The following NSD1 variants were observed in gnomAD, a reference collection of about 807,000 sequenced individuals.
NSD1 encodes nuclear receptor binding SET domain protein 1, also known as histone-lysine N-methyltransferase, H3 lysine-36 specific.
Under a neutral mutation model 242.7 loss-of-function variants are expected in NSD1, and 26 were observed. That is an observed-to-expected ratio of 0.11 (90% CI 0.08 to 0.15). The LOEUF is 0.15. NSD1 is among the 10% of genes least tolerant of loss of function. The pLI is 1.00. For synonymous variants in NSD1, 1,106 were observed against 1,178.1 expected (o/e 0.94, Z 1.25); for missense variants, 2,495 against 3,272.8 (o/e 0.76, Z 5.80).
chr5:177,148,285 T>G (rs1399184441), intron 2 of NSD1, among the ~76,000 whole-genome samples: 1 of 151,868 alleles, frequency 6.6e-6, no homozygotes, highest in Admixed American at 6.6e-5. Flanking sequence ...ACCCAGCTCA[T>G]TTTTGTATTT....
chr5:177,265,737 C>G, intron 14 of NSD1: 1 of 1,567,128 alleles, frequency 6.4e-7, no homozygotes, highest in East Asian at 2.2e-5. Context: ...ATGTAGAACA[C>G]CGTCTGCTTC....
At chr5:177,262,604 C>T (rs1374633044) in intron 14 of NSD1, among the ~76,000 whole-genome samples, 1 of 152,210 alleles carries the variant, frequency 6.6e-6, no homozygotes, top group Non-Finnish European at 1.5e-5. Flanking sequence ...CAAGGCTGGG[C>T]GCCATGGCTC....
chr5:177,266,173 A>G (rs1229221767), intron 14 of NSD1: 3 of 1,065,460 alleles, frequency 2.8e-6, no homozygotes, highest in East Asian at 4.8e-5. Flanking sequence ...AGTGTTGAGC[A>G]TGGACTCGTA....
chr5:177,184,220 A>G (rs992438874), intron 2 of NSD1, among the ~76,000 whole-genome samples: 1 of 152,076 alleles, frequency 6.6e-6, no homozygotes, highest in African/African-American at 2.4e-5. Flanking sequence ...TGTTGTCTAG[A>G]TTTGTACTAA....
Position 177,200,048 on chromosome 5 carries a change from A to G in NSD1, c.1064-4072A>G, listed in dbSNP as rs181443031. 1.1e-3 allele frequency among the ~76,000 whole-genome samples: 160 copies of G among 152,138 alleles called. 1 individual carries two copies. The highest frequency in any genetic ancestry group is 1.8e-4 in the Non-Finnish European group (12 of 67,984). ...TTCTGATTTTTCCCATATCCCCATCATTGGTTATTTGACTTTTAAAAAATA... is the reference window on the plus strand; with the variant it reads ...TTCTGATTTTTCCCATATCCCCATCGTTGGTTATTTGACTTTTAAAAAATA... On this transcript the variant is annotated intron_variant, in intron 3 of 22. Coordinates refer to ENST00000439151, the MANE Select transcript of NSD1 (RefSeq NM_022455.5).
intron 2 of NSD1, among the ~76,000 whole-genome samples, chr5:177,177,921 A>C (rs983614064): frequency 1.3e-5 from 2 of 152,112 alleles, no homozygotes; most frequent in East Asian, 1.9e-4. Context: ...TTGAGATAGA[A>C]TCTTGCTCTG....
chr5:177,152,595 A>G (rs1190113325), intron 2 of NSD1, among the ~76,000 whole-genome samples: 1 of 150,572 alleles, frequency 6.6e-6, no homozygotes, highest in Non-Finnish European at 1.5e-5. Context: ...CTGGGACTAC[A>G]GATGCCCACC....
In NSD1 at chr5:177,135,887, G is replaced by A. The variant is rs1332514794; in HGVS notation, c.784G>A (p.Asp262Asn). The A allele has an allele frequency of 1.9e-6, 3 of 1,609,632 alleles. No homozygotes were observed. Among genetic ancestry groups the A allele is most frequent in the Admixed American group, 3.3e-5 (2 of 59,924 alleles). ...TCTCCCAGCCCCCTTTTCACTAGGA[G>A]ACACAAACATTACAATAGAAGAGCA... ...ALLPAPFSLGDTNITIEEQLN... is the reference protein window; with the variant it reads ...ALLPAPFSLGNTNITIEEQLN... Residue 262 changes from aspartate to asparagine, a missense_variant, in exon 2 of 23, where the codon GAC (aspartate) becomes AAC (asparagine). Transcript: ENST00000439151.
chr5:177,146,523 C>T (rs764804664), intron 2 of NSD1, among the ~76,000 whole-genome samples: 20 of 152,066 alleles, frequency 1.3e-4, no homozygotes, highest in Middle Eastern at 3.4e-3. Flanking sequence ...TAGGCATTGA[C>T]GTTCATGTAA....
At chr5:177,244,415 AAAAG>A (rs1766118874) in intron 9 of NSD1, 145 bp downstream of exon 9, 1 of 667,666 alleles carries the variant, frequency 1.5e-6, no homozygotes, top group Admixed American at 2.4e-5. Context: ...TGCTTCCTGA[AAAAG>A]AAAAAATATT....
At chr5:177,179,405 A>G (rs955008174) in intron 2 of NSD1, among the ~76,000 whole-genome samples, 6 of 152,126 alleles carry the variant, frequency 3.9e-5, no homozygotes, top group Admixed American at 3.9e-4. Flanking sequence ...AGTAGAAACA[A>G]GGGTTCTCCA....
At chr5:177,257,292 G>A (rs949583800) in intron 13 of NSD1, 141 bp downstream of exon 13, 16 of 736,584 alleles carry the variant, frequency 2.2e-5, no homozygotes, top group South Asian at 8.8e-5. Flanking sequence ...GTGCAGTGGC[G>A]TGATCTTGGC....
intron 2 of NSD1, among the ~76,000 whole-genome samples, chr5:177,141,175 C>T (rs1358681779): frequency 6.6e-6 from 1 of 152,056 alleles, no homozygotes; most frequent in Non-Finnish European, 1.5e-5. Flanking sequence ...GCGCCCGCCA[C>T]CGCAACCAGC....
At position 177,210,479 on chromosome 5, in the gene NSD1, A is replaced by T. The variant is rs1366792496; in HGVS notation, c.2080A>T (p.Thr694Ser). ...IKYSRFAATN[T>S]RVKAKQKPLI... ...GTATTCTAGGTTTGCTGCCACAAAC[A>T]CTAGGGTAAAAGCAAAACAGAAGCC... The change falls in exon 5 of 23, where the codon ACT becomes TCT. Residue 694 changes from threonine (T) to serine (S), a missense_variant. Around this residue, in one of 19 missense-constraint regions of NSD1, gnomAD observed 515 missense variants for 467.0 expected, o/e 1.10. Coordinates refer to ENST00000439151, the MANE Select transcript of NSD1 (RefSeq NM_022455.5). The T allele has an allele frequency of 1.2e-6, 2 of 1,614,198 alleles. No homozygotes were observed. Among genetic ancestry groups the T allele is most frequent in the East Asian group, 4.5e-5 (2 of 44,880 alleles).
chr5:177,140,593 A>G (rs546297815), intron 2 of NSD1, among the ~76,000 whole-genome samples: 6 of 152,188 alleles, frequency 3.9e-5, no homozygotes, highest in African/African-American at 1.4e-4. Context: ...CCGAGGCAGG[A>G]GGATCACTTG....
chr5:177,159,003 TATATATATATATATATATATATGAATG>T (rs1280484971), intron 2 of NSD1, among the ~76,000 whole-genome samples: 2 of 80,152 alleles, frequency 2.5e-5, no homozygotes, highest in South Asian at 5.0e-4. Context: ...TGATTTTATA[TATATATATATATATATATATATGAATG>T]ATATATATAT....
At chr5:177,203,424 C>T (rs936772897) in intron 3 of NSD1, among the ~76,000 whole-genome samples, 3 of 152,064 alleles carry the variant, frequency 2.0e-5, no homozygotes, top group Non-Finnish European at 2.9e-5. Context: ...TACTGGTAGG[C>T]TTTCCTTTTT....
intron 15 of NSD1, among the ~76,000 whole-genome samples, chr5:177,268,082 GT>G (rs1562279085): frequency 6.6e-6 from 1 of 150,910 alleles, no homozygotes; most frequent in African/African-American, 2.4e-5. Context: ...CAAAATAACT[GT>G]TTTTACAGAT....
At chr5:177,187,141 G>A (rs1424148667) in intron 2 of NSD1, among the ~76,000 whole-genome samples, 2 of 114,904 alleles carry the variant, frequency 1.7e-5, no homozygotes, top group East Asian at 2.7e-4. Flanking sequence ...ATCTCACTCC[G>A]TTGCCCAGGC....
Sources: gnomAD v4.1 joint callset for allele counts (sites outside exome capture counted in the v4.1 genomes callset) on GRCh38, gnomAD v4.1.1 for gene constraint, gnomAD v4.1.1 regional missense constraint, MANE v1.5 for transcripts, NCBI Gene and HGNC (gene_info 2026-07-23, HGNC 2026-07-21) for gene names.